Variants in GPC6 observed in about 807,000 individuals in gnomAD.
GPC6 encodes the protein glypican 6.
GPC6 carries 14 observed loss-of-function variants against 55.2 expected under a neutral mutation model. The ratio of observed to expected loss-of-function variants is 0.25; its 90% CI spans 0.17 to 0.40. The LOEUF (loss-of-function observed/expected upper bound fraction) is 0.40, where lower values mean the gene tolerates loss of function less well. GPC6 is among the 10% of genes least tolerant of loss of function. The probability of loss-of-function intolerance (pLI) is 1.00; values close to 1 mark genes in which losing one functional copy is unlikely to be tolerated. For synonymous variants in GPC6, 278 were observed against 259.6 expected (o/e 1.07, Z -0.68); for missense variants, 641 against 708.5 (o/e 0.90, Z 1.08).
chr13:93,341,953 G>A (rs1230968680), intron 1 of GPC6, among the ~76,000 whole-genome samples: 2 of 149,448 alleles, frequency 1.3e-5, no homozygotes, highest in Non-Finnish European at 3.0e-5. Flanking sequence ...GTCTCACTCG[G>A]TTGCCCAGGC....
chr13:93,883,809 C>T (rs890751104), intron 3 of GPC6, among the ~76,000 whole-genome samples: 4 of 152,004 alleles, frequency 2.6e-5, no homozygotes, highest in Non-Finnish European at 5.9e-5. Flanking sequence ...TAACTTGGCT[C>T]TCTATGAATA....
rs538289016 is a variant in GPC6 at position 93,850,667 on chromosome 13, C to T, written c.711+20122C>T. 4.6e-5 allele frequency among the ~76,000 whole-genome samples: 7 copies of T among 151,896 alleles called. No individual in the cohort carries two copies. In the East Asian group the frequency reaches 1.4e-3, roughly 29 times the overall value. ...TATCATGACCGTAATATGAAAATAACATAGGAGAAAATGTAAAGAGAGGAG... is the reference window on the plus strand; with the variant it reads ...TATCATGACCGTAATATGAAAATAATATAGGAGAAAATGTAAAGAGAGGAG... On this transcript the variant is annotated intron_variant, in intron 3 of 8. Transcript: ENST00000377047.
intron 3 of GPC6, among the ~76,000 whole-genome samples, chr13:93,980,526 A>T (rs1442454679): frequency 6.6e-6 from 1 of 152,140 alleles, no homozygotes; most frequent in Non-Finnish European, 1.5e-5. Flanking sequence ...TGTGTAAGGG[A>T]TGGCATTGGC....
chr13:93,301,059 C>T (rs926063341), intron 1 of GPC6, among the ~76,000 whole-genome samples: 6 of 152,116 alleles, frequency 3.9e-5, no homozygotes, highest in Admixed American at 6.5e-5. Context: ...ACTTCTTGTA[C>T]CCATTTCAAA....
the GPC6 span, among the ~76,000 whole-genome samples, chr13:93,219,924 T>A: frequency 6.6e-6 from 1 of 152,324 alleles, no homozygotes; most frequent in South Asian, 2.1e-4. Flanking sequence ...CATCAAAAAA[T>A]TATATCTTTC....
At chr13:93,736,541 C>G (rs925875116) in intron 2 of GPC6, among the ~76,000 whole-genome samples, 2 of 152,094 alleles carry the variant, frequency 1.3e-5, no homozygotes, top group African/African-American at 2.4e-5. Context: ...TTTCCATCTT[C>G]TTTTTACATA....
chr13:93,454,166 G>A (rs900100076), intron 1 of GPC6, among the ~76,000 whole-genome samples: 8 of 143,472 alleles, frequency 5.6e-5, no homozygotes, highest in Non-Finnish European at 1.3e-4. Flanking sequence ...ACAGGGTGCT[G>A]ATTGGTGTGT....
At chr13:94,337,231 T>C (rs1877754203) in intron 6 of GPC6, among the ~76,000 whole-genome samples, 3 of 152,258 alleles carry the variant, frequency 2.0e-5, no homozygotes, top group Admixed American at 6.5e-5. Context: ...CTTTGACTCA[T>C]TGGCAGGGAT....
intron 2 of GPC6, among the ~76,000 whole-genome samples, chr13:93,714,114 A>G (rs1370041453): frequency 2.0e-5 from 3 of 151,914 alleles, no homozygotes; most frequent in South Asian, 2.1e-4. Flanking sequence ...TCGAGCTTCT[A>G]CATAGCAAAA....
At chr13:93,583,943 C>T (rs924043866) in intron 2 of GPC6, among the ~76,000 whole-genome samples, 1 of 152,182 alleles carries the variant, frequency 6.6e-6, no homozygotes, top group African/African-American at 2.4e-5. Flanking sequence ...ACCTCCTACT[C>T]ATTTCACATG....
chr13:93,437,703 G>A (rs929823999), intron 1 of GPC6, among the ~76,000 whole-genome samples: 4 of 152,146 alleles, frequency 2.6e-5, no homozygotes, highest in Non-Finnish European at 4.4e-5. Context: ...TGACATCAAA[G>A]TTCAATGTGA....
chr13:94,269,373 G>A (rs1017732140), intron 4 of GPC6, among the ~76,000 whole-genome samples: 2 of 152,132 alleles, frequency 1.3e-5, no homozygotes, highest in East Asian at 1.9e-4. Context: ...ACTGTGACCC[G>A]TTTTCCTGTG....
chr13:93,929,555 A>G (rs1878046946), intron 3 of GPC6, among the ~76,000 whole-genome samples: 1 of 152,150 alleles, frequency 6.6e-6, no homozygotes, highest in Non-Finnish European at 1.5e-5. Context: ...CTTGGGATCT[A>G]CTATTTGCCC....
intron 1 of GPC6, among the ~76,000 whole-genome samples, chr13:93,521,964 T>A (rs538717615): frequency 6.6e-6 from 1 of 152,152 alleles, no homozygotes; most frequent in South Asian, 2.1e-4. Context: ...GACTAGGTTT[T>A]ATTTAAGTCA....
chr13:94,254,363 C>A (rs764639746), intron 4 of GPC6, among the ~76,000 whole-genome samples: 7 of 152,010 alleles, frequency 4.6e-5, no homozygotes, highest in Non-Finnish European at 8.8e-5. Context: ...ATTTTGTTTG[C>A]CTCTACCTTT....
At chr13:93,436,783 A>C (rs1300816170) in intron 1 of GPC6, among the ~76,000 whole-genome samples, 1 of 152,186 alleles carries the variant, frequency 6.6e-6, no homozygotes, top group Non-Finnish European at 1.5e-5. Context: ...TCTAGAATAG[A>C]CAGGGAGACT....
At chr13:93,296,137 C>A (rs1878490181) in intron 1 of GPC6, among the ~76,000 whole-genome samples, 1 of 152,186 alleles carries the variant, frequency 6.6e-6, no homozygotes, top group Non-Finnish European at 1.5e-5. Flanking sequence ...TGTAGCACTT[C>A]TCTTTCCATT....
At chr13:94,322,573 T>G (rs1566673670) in intron 6 of GPC6, among the ~76,000 whole-genome samples, 1 of 152,192 alleles carries the variant, frequency 6.6e-6, no homozygotes. Flanking sequence ...AGTTAAAATA[T>G]CCCTTTTATG....
intron 3 of GPC6, among the ~76,000 whole-genome samples, chr13:93,863,411 A>G (rs1486440012): frequency 6.6e-6 from 1 of 151,722 alleles, no homozygotes; most frequent in Admixed American, 6.6e-5. Flanking sequence ...TTAGAAGTAG[A>G]AAATGAAATA....
Sources: allele counts gnomAD v4.1 joint callset (sites outside exome capture counted in the v4.1 genomes callset), GRCh38; gene constraint gnomAD v4.1.1; transcripts MANE v1.5; gene names NCBI Gene and HGNC (gene_info 2026-07-23, HGNC 2026-07-21).